Variants in MLLT10 observed in about 807,000 individuals in gnomAD.
MLLT10 encodes MLLT10 histone lysine methyltransferase DOT1L cofactor.
MLLT10 carries 30 observed loss-of-function variants against 129.1 expected under a neutral mutation model. The observed-to-expected ratio is 0.23, with a 90% CI of 0.17 to 0.32. The LOEUF (loss-of-function observed/expected upper bound fraction) is 0.32, where lower values mean the gene tolerates loss of function less well. Among genes scored for constraint, MLLT10 ranks in the 10% least tolerant of loss-of-function variants. The pLI, the probability that MLLT10 is intolerant of heterozygous loss-of-function variation, is 1.00. For synonymous variants in MLLT10, 490 were observed against 446.4 expected (o/e 1.10, Z -1.23); for missense variants, 1,119 against 1,268.3 (o/e 0.88, Z 1.79).
chr10:21,601,250 T>C (rs1442689270), intron 5 of MLLT10, among the ~76,000 whole-genome samples: 1 of 152,136 alleles, frequency 6.6e-6, no homozygotes, highest in Admixed American at 6.5e-5. Context: ...CTGGCCTCTT[T>C]GTGTCTTTTG....
chr10:21,535,079 C>T lies in MLLT10; in HGVS notation c.160+275C>T, dbSNP rs760732165. 7.7e-3 allele frequency among the ~76,000 whole-genome samples: 806 copies of T among 104,636 alleles called. 5 individuals are homozygous for T. Among genetic ancestry groups the T allele is most frequent in the Non-Finnish European group, 9.9e-3 (513 of 51,916 alleles). 68.6% of individuals were successfully genotyped at this position (104,636 alleles called of 152,430 possible). ...GGTCTGCTGACTCGGCGGGGCGGGG[C>T]GGGGCAGGGCGGCGGCCGCGCCCTC... On this transcript the variant is annotated intron_variant, in intron 2 of 22. Transcript: ENST00000307729.
intron 13 of MLLT10, among the ~76,000 whole-genome samples, chr10:21,705,507 A>T (rs897105815): frequency 6.6e-6 from 1 of 152,180 alleles, no homozygotes; most frequent in Admixed American, 6.5e-5. Flanking sequence ...ATGTTCAGGT[A>T]GCCGGGGCAG....
chr10:21,571,497 G>T (rs977302092), intron 3 of MLLT10, among the ~76,000 whole-genome samples: 1 of 152,352 alleles, frequency 6.6e-6, no homozygotes, highest in South Asian at 2.1e-4. Context: ...CTGGGCACAC[G>T]TGCGGCCCAT....
chr10:21,568,694 G>A (rs2039865804), intron 3 of MLLT10, among the ~76,000 whole-genome samples: 1 of 151,902 alleles, frequency 6.6e-6, no homozygotes, highest in South Asian at 2.1e-4. Flanking sequence ...CTGGAGTGCC[G>A]CAGCGAGATC....
In MLLT10 at chr10:21,742,417, G is replaced by C; in HGVS notation, c.*434G>C. ...AATATGCTCTTTTGTTTGGGTTACA[G>C]TATGCTTGCTCTAAGTCAAATTCCA... On this transcript the variant is annotated 3_prime_UTR_variant, in exon 23 of 23. Transcript: ENST00000307729. 1 of 222,866 alleles carries C rather than the reference G, an allele frequency of 4.5e-6. No individual in the cohort carries two copies. The highest frequency in any genetic ancestry group is 8.9e-6 in the Non-Finnish European group (1 of 111,874). 13.8% of individuals were successfully genotyped at this position (222,866 alleles called of 1,614,324 possible). A position where few individuals can be genotyped will look rare whatever the true frequency, so the allele number is the denominator to read the frequency against.
In MLLT10 at chr10:21,727,886, T is replaced by A; in HGVS notation, c.2021T>A (p.Leu674Gln). The A allele has an allele frequency of 6.2e-7, 1 of 1,614,034 alleles. No individual in the cohort carries two copies. Among genetic ancestry groups the A allele is most frequent in the Non-Finnish European group, 8.5e-7 (1 of 1,179,962 alleles). The change falls in exon 16 of 23, where the codon CTA becomes CAA. Residue 674 changes from leucine to glutamine, a missense_variant. Leu to Gln is a moderately radical substitution (Grantham distance 113). This residue lies in a region of MLLT10 where 1,004 missense variants were observed against 1,008.7 expected (regional missense o/e 1.00). Coordinates refer to ENST00000307729, the MANE Select transcript of MLLT10 (RefSeq NM_001195626.3). ...DQDLGDNSRN[L>Q]VGRGSSPRGS... ...GATCTTGGAGACAATAGCCGCAACC[T>A]AGTTGGCAGAGGAAGCTCACCCCGA...
intron 9 of MLLT10, among the ~76,000 whole-genome samples, chr10:21,658,265 C>G (rs1160854114): frequency 6.6e-6 from 1 of 152,178 alleles, no homozygotes; most frequent in Non-Finnish European, 1.5e-5. Context: ...ATCTCCTTCT[C>G]CCTGAGTTCA....
rs189809918 is a variant in MLLT10, at chr10:21,675,337, A to G, written c.1621+1418A>G. Among the ~76,000 whole-genome samples the G allele has an allele frequency of 1.7e-3, 255 of 152,336 alleles. 1 individual carries two copies. Among genetic ancestry groups the G allele is most frequent in the South Asian group, 3.1e-3 (15 of 4,830 alleles). On this transcript the variant is annotated intron_variant, in intron 11 of 22. Coordinates refer to ENST00000307729, the MANE Select transcript of MLLT10 (RefSeq NM_001195626.3). ...CCCTGTGTATTGCAGGATATTTACCAGAATCCCCAGTCCCTGCCCCCTACA... is the reference window on the plus strand; with the variant it reads ...CCCTGTGTATTGCAGGATATTTACCGGAATCCCCAGTCCCTGCCCCCTACA...
intron 5 of MLLT10, among the ~76,000 whole-genome samples, chr10:21,597,044 C>T (rs1320977854): frequency 1.3e-5 from 2 of 151,020 alleles, no homozygotes; most frequent in Admixed American, 6.6e-5. Flanking sequence ...TTTGGAAGTT[C>T]GTTTTTAAAA....
At chr10:21,633,100 G>C (rs1362226645) in intron 8 of MLLT10, among the ~76,000 whole-genome samples, 1 of 152,144 alleles carries the variant, frequency 6.6e-6, no homozygotes, top group Non-Finnish European at 1.5e-5. Flanking sequence ...CGTAACAGAT[G>C]AATAAATTAT....
At chr10:21,570,455 G>GA (rs1188890430) in intron 3 of MLLT10, among the ~76,000 whole-genome samples, 2 of 152,118 alleles carry the variant, frequency 1.3e-5, no homozygotes, top group East Asian at 3.8e-4. Flanking sequence ...TCAAATATGT[G>GA]AAAGTTGTTG....
intron 14 of MLLT10, among the ~76,000 whole-genome samples, chr10:21,723,750 T>C (rs1300899899): frequency 1.3e-5 from 2 of 152,180 alleles, no homozygotes. Context: ...TCTTCCTCCT[T>C]CTAATTAATT....
intron 3 of MLLT10, among the ~76,000 whole-genome samples, chr10:21,574,701 A>G (rs964807774): frequency 6.6e-6 from 1 of 152,050 alleles, no homozygotes; most frequent in Non-Finnish European, 1.5e-5. Context: ...TTTAGACTAT[A>G]TAGGGTAACT....
chr10:21,673,318 C>CCTT (rs1564622986), intron 10 of MLLT10, 32 bp from the exon 11 acceptor site: 7 of 307,650 alleles, frequency 2.3e-5, no homozygotes, highest in African/African-American at 7.4e-5. Flanking sequence ...CACCCCCCAA[C>CCTT]TTTTTTTTTT....
At chr10:21,564,913 G>A (rs547063101) in intron 3 of MLLT10, among the ~76,000 whole-genome samples, 22 of 151,920 alleles carry the variant, frequency 1.4e-4, no homozygotes, top group African/African-American at 4.1e-4. Context: ...AGTTCATAGC[G>A]TTGAATTAAA....
chr10:21,606,189 C>A (rs1340776686), intron 5 of MLLT10, among the ~76,000 whole-genome samples: 2 of 152,188 alleles, frequency 1.3e-5, no homozygotes, highest in Non-Finnish European at 2.9e-5. Flanking sequence ...TCTCTCTCTA[C>A]TCTCCTTAGG....
At chr10:21,715,061 G>A (rs1189784690) in intron 14 of MLLT10, among the ~76,000 whole-genome samples, 1 of 152,084 alleles carries the variant, frequency 6.6e-6, no homozygotes, top group East Asian at 1.9e-4. Flanking sequence ...TGGTCACAGG[G>A]ACAAATGTCT....
intron 22 of MLLT10, 42 bp from the exon 23 acceptor site, chr10:21,741,897 A>C (rs1283485652): frequency 3.1e-6 from 5 of 1,589,630 alleles, no homozygotes; most frequent in African/African-American, 1.4e-5. Flanking sequence ...TATTATCAAA[A>C]GTTGATTTAG....
chr10:21,741,125 G>T (rs1027216437), intron 22 of MLLT10, among the ~76,000 whole-genome samples: 2 of 152,164 alleles, frequency 1.3e-5, no homozygotes, highest in Admixed American at 1.3e-4. Context: ...TCAAAATAGA[G>T]GATTGTTTTT....
Sources: allele counts gnomAD v4.1 joint callset (sites outside exome capture counted in the v4.1 genomes callset), GRCh38; gene constraint gnomAD v4.1.1; regional missense constraint gnomAD v4.1.1; transcripts MANE v1.5; gene names NCBI Gene and HGNC (gene_info 2026-07-23, HGNC 2026-07-21).